CDC42BPA: variants seen among roughly 807,000 people sequenced by gnomAD.
CDC42BPA encodes the protein serine/threonine-protein kinase MRCK alpha.
Under a neutral mutation model 223.5 loss-of-function variants are expected in CDC42BPA, and 80 were observed. That is an observed-to-expected ratio of 0.36 (90% CI 0.30 to 0.43). The LOEUF (loss-of-function observed/expected upper bound fraction) is 0.43, where lower values mean the gene tolerates loss of function less well. CDC42BPA is among the 20% of genes least tolerant of loss of function. CDC42BPA has a pLI of 1.00. For synonymous variants in CDC42BPA, 694 were observed against 718.6 expected (o/e 0.97, Z 0.55); for missense variants, 1,743 against 2,099.9 (o/e 0.83, Z 3.32).
rs149726943 is a variant in CDC42BPA at position 227,318,153 on chromosome 1, C to CGGGGGGG, written c.-978_-972dup. ...CGCCGGAGGCTCCCGACGCCCCAGG[C>CGGGGGGG]GGGGGGGTGCTTCTCTGAATTCAAA... On this transcript the variant is annotated 5_prime_UTR_variant, in exon 1 of 37. Transcript: ENST00000366766. 1.3e-4 allele frequency: 21 copies of CGGGGGGG among 166,124 alleles called. No individual in the cohort carries two copies. Among genetic ancestry groups the CGGGGGGG allele is most frequent in the African/African-American group, 5.0e-4 (20 of 39,956 alleles). 10.3% of individuals were successfully genotyped at this position (166,124 alleles called of 1,614,324 possible).
At chr1:227,152,097 C>T (rs977879084) in intron 6 of CDC42BPA, among the ~76,000 whole-genome samples, 3 of 152,020 alleles carry the variant, frequency 2.0e-5, no homozygotes, top group African/African-American at 7.2e-5. Context: ...TTGTTGCTGA[C>T]TTGTAGGAGT....
intron 16 of CDC42BPA, among the ~76,000 whole-genome samples, chr1:227,085,962 AATATCCCC>A (rs1279189199): frequency 6.6e-6 from 1 of 152,240 alleles, no homozygotes; most frequent in Non-Finnish European, 1.5e-5. Context: ...ATACTCAAGA[AATATCCCC>A]ATGCCTATTT....
chr1:227,219,978 T>G (rs918511537), intron 2 of CDC42BPA, among the ~76,000 whole-genome samples: 1 of 151,960 alleles, frequency 6.6e-6, no homozygotes, highest in Non-Finnish European at 1.5e-5. Flanking sequence ...AAAAAAAAAT[T>G]TAAAAAGACA....
At chr1:227,300,046 G>T (rs1286156043) in intron 1 of CDC42BPA, among the ~76,000 whole-genome samples, 2 of 151,948 alleles carry the variant, frequency 1.3e-5, no homozygotes, top group African/African-American at 2.4e-5. Flanking sequence ...AGACATGTAG[G>T]GAAGAGCTGG....
rs1409070292 is a variant in CDC42BPA at position 227,072,199 on chromosome 1, C to T, written c.2827+9G>A. ...AAGTCCTGAGTGAGGCAAACACACA[C>T]TCCCATACCCTTTTCAGATCTAAGC... On this transcript the variant is annotated intron_variant, in intron 20 of 36. Coordinates refer to ENST00000366766, the MANE Select transcript of CDC42BPA (RefSeq NM_001394014.1). The T allele has an allele frequency of 1.3e-6, 2 of 1,529,298 alleles. 1 individual carries two copies. Among genetic ancestry groups the T allele is most frequent in the South Asian group, 2.3e-5 (2 of 85,796 alleles). The allele number at this position is 1,529,298 out of a possible 1,614,324, so 94.7% of individuals were successfully genotyped here.
intron 35 of CDC42BPA, among the ~76,000 whole-genome samples, chr1:226,996,156 C>T (rs150918826): frequency 3.9e-5 from 6 of 152,172 alleles, no homozygotes; most frequent in African/African-American, 7.2e-5. Context: ...GGCATTTCCT[C>T]GACACTGGAA....
intron 3 of CDC42BPA, 90 bp downstream of exon 3, chr1:227,213,046 C>T (rs887284964): frequency 1.6e-6 from 1 of 624,740 alleles, no homozygotes; most frequent in Non-Finnish European, 2.7e-6. Context: ...AAAATGTTAC[C>T]AAGTAATATT....
intron 1 of CDC42BPA, among the ~76,000 whole-genome samples, chr1:227,315,955 C>CA (rs71180728): frequency 0.21 from 23,154 of 110,282 alleles, 2,365 homozygotes; most frequent in Middle Eastern, 0.28. Flanking sequence ...ATTTCAAATC[C>CA]AAAAAAAAAA....
At chr1:227,128,459 T>C (rs777746618) in intron 11 of CDC42BPA, among the ~76,000 whole-genome samples, 7 of 152,188 alleles carry the variant, frequency 4.6e-5, no homozygotes, top group Non-Finnish European at 8.8e-5. Flanking sequence ...CTGGTTTCTG[T>C]TTTCTGTCCT....
At chr1:227,129,907 T>C (rs1656714145) in intron 10 of CDC42BPA, among the ~76,000 whole-genome samples, 1 of 151,980 alleles carries the variant, frequency 6.6e-6, no homozygotes, top group Non-Finnish European at 1.5e-5. Context: ...GGCATGTTAA[T>C]ATACATATGC....
At chr1:227,026,194 A>G in intron 30 of CDC42BPA, 42 bp from the exon 31 acceptor site, 1 of 1,061,342 alleles carries the variant, frequency 9.4e-7, no homozygotes, top group African/African-American at 1.6e-5. Context: ...ATTACTTTTA[A>G]CTATTAAACC....
intron 23 of CDC42BPA, among the ~76,000 whole-genome samples, chr1:227,044,872 C>T (rs1307304321): frequency 6.6e-6 from 1 of 152,052 alleles, no homozygotes. Flanking sequence ...ATTAATAGTT[C>T]CCCTCCCACC....
At chr1:227,258,472 G>T (rs551289972) in intron 1 of CDC42BPA, among the ~76,000 whole-genome samples, 2 of 150,678 alleles carry the variant, frequency 1.3e-5, no homozygotes, top group Non-Finnish European at 2.9e-5. Flanking sequence ...CTATACAGGG[G>T]TATACAGTTA....
chr1:227,243,398 T>TTAAGG (rs59580867), intron 2 of CDC42BPA, among the ~76,000 whole-genome samples: 1 of 151,648 alleles, frequency 6.6e-6, no homozygotes, highest in African/African-American at 2.4e-5. Flanking sequence ...GGGGCCCAAC[T>TTAAGG]TAAAAGTTTC....
At chr1:227,031,658 A>C in intron 27 of CDC42BPA, 144 bp from the exon 28 acceptor site, 1 of 654,494 alleles carries the variant, frequency 1.5e-6, no homozygotes, top group Non-Finnish European at 2.6e-6. Context: ...GCTATTCCTA[A>C]TCAGAATAAC....
chr1:227,100,269 C>G (rs569358644), intron 15 of CDC42BPA, among the ~76,000 whole-genome samples: 2 of 152,280 alleles, frequency 1.3e-5, no homozygotes, highest in South Asian at 4.1e-4. Context: ...GGATTCCTAC[C>G]TCCAGCCTGC....
At chr1:227,041,035 T>C (rs1387731490) in intron 23 of CDC42BPA, among the ~76,000 whole-genome samples, 1 of 152,200 alleles carries the variant, frequency 6.6e-6, no homozygotes, top group Non-Finnish European at 1.5e-5. Flanking sequence ...TCACTTTCCT[T>C]ATCTACAAAA....
At chr1:227,160,657 A>C (rs768363378) in intron 5 of CDC42BPA, 21 bp from the exon 6 acceptor site, 12 of 1,266,650 alleles carry the variant, frequency 9.5e-6, no homozygotes, top group Non-Finnish European at 1.4e-5. Context: ...AAATAAATTC[A>C]ATTTTTAGTG....
chr1:227,031,642 A>G (rs938218008), intron 27 of CDC42BPA, 128 bp from the exon 28 acceptor site: 1 of 698,414 alleles, frequency 1.4e-6, no homozygotes, highest in Non-Finnish European at 2.4e-6. Context: ...CCATTACTGG[A>G]GTTCAGCTAT....
Sources: gnomAD v4.1 joint callset for allele counts (sites outside exome capture counted in the v4.1 genomes callset) on GRCh38, gnomAD v4.1.1 for gene constraint, MANE v1.5 for transcripts, NCBI Gene and HGNC (gene_info 2026-07-23, HGNC 2026-07-21) for gene names.